TCF20: variants seen among roughly 807,000 people sequenced by gnomAD.
TCF20 encodes SPRE-binding protein.
A neutral mutation model predicts 148.6 loss-of-function variants in TCF20; 3 were observed. The ratio of observed to expected loss-of-function variants is 0.02; its 90% CI spans 0.01 to 0.05. The LOEUF (loss-of-function observed/expected upper bound fraction) is 0.05, where lower values mean the gene tolerates loss of function less well. Among genes scored for constraint, TCF20 ranks in the 10% least tolerant of loss-of-function variants. The pLI is 1.00. For missense variants in TCF20, 2,350 were observed against 2,429.3 expected, an observed-to-expected ratio of 0.97 and a Z score of 0.69; for synonymous variants, 1,049 against 909.5, an observed-to-expected ratio of 1.15 and a Z score of -2.76.
chr22:42,223,274 A>T (rs1922550771), intron 1 of TCF20, among the ~76,000 whole-genome samples: 1 of 152,222 alleles, frequency 6.6e-6, no homozygotes, highest in African/African-American at 2.4e-5. Context: ...CAAAAGTCCA[A>T]ATTTTCCAAA....
At chr22:42,197,988 T>A (rs1937693140) in intron 2 of TCF20, among the ~76,000 whole-genome samples, 1 of 152,208 alleles carries the variant, frequency 6.6e-6, no homozygotes, top group South Asian at 2.1e-4. Flanking sequence ...CATAACAATG[T>A]TGGCCCTTCT....
chr22:42,283,341 C>T (rs1365391514), intron 1 of TCF20, among the ~76,000 whole-genome samples: 3 of 152,058 alleles, frequency 2.0e-5, no homozygotes, highest in Non-Finnish European at 4.4e-5. Flanking sequence ...CGCTCTGCAC[C>T]CTCACACCCG....
chr22:42,229,767 T>C (rs1923234002), intron 1 of TCF20, among the ~76,000 whole-genome samples: 1 of 152,182 alleles, frequency 6.6e-6, no homozygotes, highest in Non-Finnish European at 1.5e-5. Context: ...CACTGAAGGC[T>C]TCAGGAAAAC....
chr22:42,179,643 G>A lies in TCF20; in HGVS notation c.5715C>T (p.Ser1905=). 1 of 1,614,172 alleles carries A rather than the reference G, an allele frequency of 6.2e-7. No individual in the cohort carries two copies. Among genetic ancestry groups the A allele is most frequent in the Admixed American group, 1.7e-5 (1 of 60,020 alleles). ...TGGCACACGGGTAATGGTATCGGAA[G>A]GAGCAGCCTTTGTTGTAGCAGCCCA... is the stretch of plus-strand genomic sequence containing the variant. The part of the protein sequence containing the change: ...ATLGCYNKGC[S]FRYHYPCAID... The change falls in exon 3 of 6, where the codon TCC becomes TCT. Residue 1905 remains serine, a synonymous_variant. Coordinates refer to ENST00000677622, the MANE Select transcript of TCF20 (RefSeq NM_001378418.1).
chr22:42,166,885 G>C (rs1601507902), intron 5 of TCF20, among the ~76,000 whole-genome samples: 2 of 152,210 alleles, frequency 1.3e-5, no homozygotes, highest in Non-Finnish European at 2.9e-5. Flanking sequence ...TGCTGGCACA[G>C]GGGTGACAAT....
At chr22:42,162,716 C>T (rs1284120908) in intron 5 of TCF20, among the ~76,000 whole-genome samples, 1 of 152,164 alleles carries the variant, frequency 6.6e-6, no homozygotes, top group Non-Finnish European at 1.5e-5. Context: ...TTGGTGCCCT[C>T]CCCTGACAAA....
At chr22:42,229,683 T>G (rs1205566998) in intron 1 of TCF20, among the ~76,000 whole-genome samples, 1 of 152,178 alleles carries the variant, frequency 6.6e-6, no homozygotes, top group Non-Finnish European at 1.5e-5. Context: ...CGCTCCGACC[T>G]CTTGATTTGT....
intron 1 of TCF20, among the ~76,000 whole-genome samples, chr22:42,340,587 C>A (rs535717679): frequency 2.8e-4 from 42 of 152,254 alleles, no homozygotes; most frequent in Middle Eastern, 3.4e-3. Flanking sequence ...ATCTGCCCAG[C>A]CTTCATTTCC....
At chr22:42,235,798 G>A (rs1290389020) in intron 1 of TCF20, among the ~76,000 whole-genome samples, 1 of 152,184 alleles carries the variant, frequency 6.6e-6, no homozygotes, top group African/African-American at 2.4e-5. Flanking sequence ...ATGTCCCACA[G>A]TAAGTCTGCA....
chr22:42,231,771 T>C (rs1357106334), intron 1 of TCF20, among the ~76,000 whole-genome samples: 2 of 151,374 alleles, frequency 1.3e-5, no homozygotes, highest in East Asian at 2.0e-4. Flanking sequence ...CTACTAAAAA[T>C]ACAAAAAATT....
rs1342329035 is a variant in TCF20, at chr22:42,170,362, G to T, written c.5750-466C>A. ...AAAAAAAAAAAAAAAATACTGAAAGGCTGGGTGTGATGGCACTTGCCTATA... is the reference window on the plus strand; with the variant it reads ...AAAAAAAAAAAAAAAATACTGAAAGTCTGGGTGTGATGGCACTTGCCTATA... On this transcript the variant is annotated intron_variant, in intron 3 of 5. Coordinates refer to ENST00000677622, the MANE Select transcript of TCF20 (RefSeq NM_001378418.1). 4.0e-5 allele frequency among the ~76,000 whole-genome samples: 6 copies of T among 151,338 alleles called. No homozygotes were observed. In the East Asian group the frequency reaches 9.7e-4, roughly 24 times the overall value.
rs1256455190 is a variant in TCF20, at chr22:42,213,680, G to T, written c.1626C>A (p.Thr542=). ...ERVRQLSGQS[T]SSDTTYKGGA... ...CACCCTTGTAGGTGGTGTCAGAGCT[G>T]GTGCTCTGGCCACTTAGTTGCCGCA... The change falls in exon 2 of 6, where the codon ACC becomes ACA. Residue 542 remains threonine, a synonymous_variant. Transcript: ENST00000677622. The T allele has an allele frequency of 1.2e-6, 2 of 1,613,994 alleles. No individual in the cohort carries two copies. Among genetic ancestry groups the T allele is most frequent in the Non-Finnish European group, 1.7e-6 (2 of 1,179,936 alleles).
intron 2 of TCF20, among the ~76,000 whole-genome samples, chr22:42,194,770 T>C (rs1360149554): frequency 6.6e-6 from 1 of 151,938 alleles, no homozygotes; most frequent in Non-Finnish European, 1.5e-5. Context: ...CTATTTCCCC[T>C]GCCACTCACG....
In TCF20 at chr22:42,211,429, C is replaced by T. The variant is rs374767438; in HGVS notation, c.3877G>A (p.Asp1293Asn). ...RLLHSSKEGA[D>N]KAFNSYAHLS... ...TGGGCATAGGAATTGAATGCTTTAT[C>T]AGCGCCTTCTTTTGATGAGTGAAGG... The change falls in exon 2 of 6, where the codon GAT (aspartate) becomes AAT (asparagine). Residue 1293 changes from aspartate (D) to asparagine (N), a missense_variant. Physicochemically the swap from Asp to Asn is conservative, Grantham distance 23. Around this residue, in one of 7 missense-constraint regions of TCF20, gnomAD observed 1,641 missense variants for 1,662.6 expected, o/e 0.99. Transcript: ENST00000677622. 10 of 1,614,080 alleles carry T rather than the reference C, an allele frequency of 6.2e-6. No homozygotes were observed. The highest frequency in any genetic ancestry group is 8.5e-6 in the Non-Finnish European group (10 of 1,180,042).
intron 1 of TCF20, among the ~76,000 whole-genome samples, chr22:42,302,831 G>C (rs926719174): frequency 6.6e-6 from 1 of 152,222 alleles, no homozygotes; most frequent in Non-Finnish European, 1.5e-5. Flanking sequence ...TGCAACTTCA[G>C]GCTGGGACCC....
At chr22:42,179,781 G>C (rs1157211429) in intron 2 of TCF20, 79 bp from the exon 3 acceptor site, 4 of 904,832 alleles carry the variant, frequency 4.4e-6, no homozygotes, top group Non-Finnish European at 7.4e-6. Flanking sequence ...GTCCCCATCT[G>C]TTAGACCTCA....
In TCF20 at chr22:42,210,620, C is replaced by A. The variant is rs756712881; in HGVS notation, c.4686G>T (p.Gln1562His). ...KQQQPPPPPP[Q>H]PPQIPEGSAD... ...CAGAACCTTCTGGTATCTGTGGGGG[C>A]TGAGGGGGTGGAGGCGGTGGCTGCT... The change falls in exon 2 of 6, where the codon CAG becomes CAT. Residue 1562 changes from glutamine (Q) to histidine (H), a missense_variant. By Grantham distance (24) the Gln-to-His change is conservative. Coordinates refer to ENST00000677622, the MANE Select transcript of TCF20 (RefSeq NM_001378418.1). This position sits in a 1 kb window ranked among gnomAD's most constrained non-coding sequence, Gnocchi z 4.7. 6.2e-7 allele frequency: 1 copy of A among 1,613,934 alleles called. No individual in the cohort carries two copies. The highest frequency in any genetic ancestry group is 8.5e-7 in the Non-Finnish European group (1 of 1,179,946).
chr22:42,293,666 C>T (rs558619233), intron 1 of TCF20, among the ~76,000 whole-genome samples: 11 of 152,240 alleles, frequency 7.2e-5, no homozygotes, highest in Non-Finnish European at 1.5e-4. Context: ...AAGGGCAGGC[C>T]TGGGGAGGCA....
chr22:42,265,416 C>T (rs1310742482), intron 1 of TCF20, among the ~76,000 whole-genome samples: 1 of 152,166 alleles, frequency 6.6e-6, no homozygotes, highest in Admixed American at 6.5e-5. Flanking sequence ...TCAAATGATC[C>T]TCACACCTCA....
Sources: gnomAD v4.1 joint callset for allele counts (sites outside exome capture counted in the v4.1 genomes callset) on GRCh38, gnomAD v4.1.1 for gene constraint, gnomAD v4.1.1 regional missense constraint, Gnocchi (gnomAD v3.1) non-coding constraint, MANE v1.5 for transcripts, NCBI Gene and HGNC (gene_info 2026-07-23, HGNC 2026-07-21) for gene names.